The following CSMD1 variants were observed in gnomAD, a reference collection of about 807,000 sequenced individuals.
The protein encoded by CSMD1 is CUB and Sushi multiple domains 1.
A neutral mutation model predicts 417.5 loss-of-function variants in CSMD1; 213 were observed. The observed-to-expected ratio is 0.51, with a 90% CI of 0.46 to 0.57. The LOEUF is 0.57. CSMD1 is among the 20% of genes least tolerant of loss of function. CSMD1 has a pLI of 0.00. For synonymous variants in CSMD1, 2,862 were observed against 1,736.8 expected (o/e 1.65, Z -16.11); for missense variants, 6,923 against 4,529.7 (o/e 1.53, Z -15.17).
At chr8:4,503,502 A>C (rs1802364903) in intron 2 of CSMD1, among the ~76,000 whole-genome samples, 1 of 152,188 alleles carries the variant, frequency 6.6e-6, no homozygotes, top group Non-Finnish European at 1.5e-5. Context: ...TTCTTAGAAA[A>C]TCCAAGCACT....
chr8:3,439,153 C>CAAAAAAAAAAAA (rs1563390140), intron 12 of CSMD1, among the ~76,000 whole-genome samples: 3 of 39,892 alleles, frequency 7.5e-5, no homozygotes, highest in African/African-American at 1.1e-4. Flanking sequence ...AAAAAAAAAA[C>CAAAAAAAAAAAA]CAAGAAAAAA....
At chr8:4,808,723 A>C (rs901775153) in intron 1 of CSMD1, among the ~76,000 whole-genome samples, 1 of 152,204 alleles carries the variant, frequency 6.6e-6, no homozygotes, top group East Asian at 1.9e-4. Flanking sequence ...GCCCACTCAG[A>C]AAGTTTGCCT....
At chr8:4,724,337 G>C (rs560788947) in intron 1 of CSMD1, among the ~76,000 whole-genome samples, 3 of 152,124 alleles carry the variant, frequency 2.0e-5, no homozygotes, top group South Asian at 4.1e-4. Flanking sequence ...TATATGAAGA[G>C]CTAATAATGC....
At chr8:3,826,944 AT>A (rs1438170739) in intron 5 of CSMD1, among the ~76,000 whole-genome samples, 2 of 151,800 alleles carry the variant, frequency 1.3e-5, no homozygotes, top group East Asian at 3.9e-4. Flanking sequence ...GTGCCTAGCT[AT>A]TTTTTTAAAT....
chr8:3,509,533 C>G lies in CSMD1; in HGVS notation c.1345-15807G>C, dbSNP rs151148090. Among the ~76,000 whole-genome samples, 227 of 152,254 alleles carry G rather than the reference C, an allele frequency of 1.5e-3. 2 individuals are homozygous for G. Among genetic ancestry groups the G allele is most frequent in the African/African-American group, 5.1e-3 (213 of 41,542 alleles). On this transcript the variant is annotated intron_variant, in intron 10 of 69. Coordinates refer to ENST00000635120, the MANE Select transcript of CSMD1 (RefSeq NM_033225.6). ...AAATGAAGAAGGTAGGCTATTCTAC[C>G]AAGATTGCCTCTAAATTTTATTCAA...
intron 10 of CSMD1, among the ~76,000 whole-genome samples, chr8:3,573,302 C>A (rs1232800081): frequency 2.0e-5 from 3 of 152,040 alleles, no homozygotes; most frequent in African/African-American, 7.2e-5. Flanking sequence ...GTGATGATTG[C>A]AAGTACTGAA....
chr8:4,169,990 A>C (rs2131132637), intron 3 of CSMD1, among the ~76,000 whole-genome samples: 1 of 151,922 alleles, frequency 6.6e-6, no homozygotes, highest in East Asian at 1.9e-4. Flanking sequence ...TGCATAGAAG[A>C]GTGTTAGAGC....
At chr8:4,919,979 A>G (rs1806327917) in intron 1 of CSMD1, among the ~76,000 whole-genome samples, 1 of 152,202 alleles carries the variant, frequency 6.6e-6, no homozygotes, top group African/African-American at 2.4e-5. Context: ...CCCAGCCTCC[A>G]GAACCATGAG....
intron 12 of CSMD1, among the ~76,000 whole-genome samples, chr8:3,435,327 G>C (rs1380446128): frequency 6.6e-6 from 1 of 152,156 alleles, no homozygotes; most frequent in Non-Finnish European, 1.5e-5. Context: ...GGGCAGAGGG[G>C]CTGAAACAGA....
chr8:2,972,113 GTGAAATTAATGTTACATAGATTATATAA>G, intron 57 of CSMD1, among the ~76,000 whole-genome samples: 1 of 151,982 alleles, frequency 6.6e-6, no homozygotes, highest in African/African-American at 2.4e-5. Flanking sequence ...TATTTTATAT[GTGAAATTAATGTTACATAGATTATATAA>G]TATAGATAGA....
intron 3 of CSMD1, among the ~76,000 whole-genome samples, chr8:4,307,784 C>G (rs985574147): frequency 6.6e-6 from 1 of 152,124 alleles, no homozygotes; most frequent in Middle Eastern, 3.2e-3. Context: ...GGTCCAGAGT[C>G]AGTTTACCTC....
At chr8:3,301,140 T>C (rs1804371040) in intron 25 of CSMD1, among the ~76,000 whole-genome samples, 1 of 152,120 alleles carries the variant, frequency 6.6e-6, no homozygotes, top group Non-Finnish European at 1.5e-5. Context: ...TTTTTTTTAA[T>C]TTTTTCAAAA....
chr8:3,531,371 G>C (rs994591791), intron 10 of CSMD1, among the ~76,000 whole-genome samples: 7 of 152,208 alleles, frequency 4.6e-5, no homozygotes, highest in South Asian at 4.1e-4. Context: ...CATTTGCTCA[G>C]ATGTGTTTTC....
At chr8:4,787,510 G>C in intron 1 of CSMD1, 1 of 1,020,562 alleles carries the variant, frequency 9.8e-7, no homozygotes, top group Non-Finnish European at 1.5e-6. Context: ...GTATTTTTCA[G>C]TTATTATAGG....
chr8:3,043,529 G>T (rs1249815259), intron 50 of CSMD1, among the ~76,000 whole-genome samples: 1 of 152,014 alleles, frequency 6.6e-6, no homozygotes, highest in Non-Finnish European at 1.5e-5. Context: ...ATTTAATCAT[G>T]TAAAGTCCTC....
chr8:4,117,280 G>A (rs1802209658), intron 3 of CSMD1, among the ~76,000 whole-genome samples: 1 of 151,948 alleles, frequency 6.6e-6, no homozygotes. Context: ...CTCACTCGAA[G>A]CAGCATGCGT....
chr8:3,680,904 A>T (rs1179378226), intron 7 of CSMD1, among the ~76,000 whole-genome samples: 1 of 152,216 alleles, frequency 6.6e-6, no homozygotes, highest in Non-Finnish European at 1.5e-5. Context: ...CAGTAAACGT[A>T]ATCCAGCATA....
At chr8:4,386,356 C>T (rs868039036) in intron 3 of CSMD1, among the ~76,000 whole-genome samples, 4 of 151,894 alleles carry the variant, frequency 2.6e-5, no homozygotes, top group African/African-American at 7.3e-5. Flanking sequence ...CCATCCCACT[C>T]AAACAATATA....
intron 3 of CSMD1, among the ~76,000 whole-genome samples, chr8:4,274,598 G>C (rs759990421): frequency 9.9e-5 from 15 of 152,060 alleles, no homozygotes; most frequent in African/African-American, 1.9e-4. Flanking sequence ...TCTATTAATA[G>C]ATTAATCTAT....
Sources: allele counts gnomAD v4.1 joint callset (sites outside exome capture counted in the v4.1 genomes callset), GRCh38; gene constraint gnomAD v4.1.1; transcripts MANE v1.5; gene names NCBI Gene and HGNC (gene_info 2026-07-23, HGNC 2026-07-21).